The following TMEM35A variants were observed in gnomAD, a reference collection of about 807,000 sequenced individuals.
The protein encoded by TMEM35A is nicotinic acetylcholine receptor chaperone.
For missense variants in TMEM35A, 83 were observed against 132.7 expected (o/e 0.63, Z 1.84); for synonymous variants, 50 against 54.7 (o/e 0.91, Z 0.38).
In TMEM35A at chrX:101,091,594, C is replaced by G. The variant is rs1245008580; in HGVS notation, c.121-2979C>G. Among the ~76,000 whole-genome samples the G allele has an allele frequency of 8.9e-5, 10 of 112,349 alleles. No individual in the cohort carries two copies. The Admixed American group carries it at 9.5e-4, about 11-fold the overall frequency. ...TGTTGGGATTACAGGCGTGAGCCACCATGCCCGGCCTATTTCCAGAGGGAA... is the reference window on the plus strand; with the variant it reads ...TGTTGGGATTACAGGCGTGAGCCACGATGCCCGGCCTATTTCCAGAGGGAA... On this transcript the variant is annotated intron_variant, in intron 1 of 1. Transcript: ENST00000372930.
intron 1 of TMEM35A, among the ~76,000 whole-genome samples, chrX:101,081,129 C>A (rs1181423806): frequency 8.9e-6 from 1 of 112,552 alleles, no homozygotes; most frequent in East Asian, 2.8e-4. Context: ...TGTAACACAG[C>A]AATATAGAAC....
intron 1 of TMEM35A, among the ~76,000 whole-genome samples, chrX:101,091,054 T>G (rs1187900208): frequency 9.0e-6 from 1 of 110,772 alleles, no homozygotes; most frequent in East Asian, 2.8e-4. Flanking sequence ...TTGGCCAGAC[T>G]GGTCTCGAAC....
At chrX:101,082,353 C>T (rs1443277339) in intron 1 of TMEM35A, among the ~76,000 whole-genome samples, 1 of 92,854 alleles carries the variant, frequency 1.1e-5, no homozygotes, top group Non-Finnish European at 2.1e-5. Flanking sequence ...GGTTCAGGTC[C>T]TGCTACTCTT....
At chrX:101,091,366 G>A (rs2089323810) in intron 1 of TMEM35A, among the ~76,000 whole-genome samples, 1 of 104,074 alleles carries the variant, frequency 9.6e-6, no homozygotes, top group Non-Finnish European at 1.9e-5. Context: ...ACGTTGGCAC[G>A]ATCACAGCTC....
In TMEM35A at chrX:101,086,477, T is replaced by A. The variant is rs1043424361; in HGVS notation, c.120+7355T>A. Among the ~76,000 whole-genome samples, 3 of 112,294 alleles carry A rather than the reference T, an allele frequency of 2.7e-5. 1 individual carries two copies. The highest frequency in any genetic ancestry group is 9.7e-5 in the African/African-American group (3 of 30,935). On this transcript the variant is annotated intron_variant, in intron 1 of 1. Coordinates refer to ENST00000372930, the MANE Select transcript of TMEM35A (RefSeq NM_021637.3). Reference sequence around the variant, plus strand: ...TGTGTGTTGCCCTCAGCTGATGCTATGACACTTTGATTATTTACCTAAATC... The same window carrying A: ...TGTGTGTTGCCCTCAGCTGATGCTAAGACACTTTGATTATTTACCTAAATC...
chrX:101,087,993 C>CA (rs1415801652), intron 1 of TMEM35A, among the ~76,000 whole-genome samples: 2 of 109,899 alleles, frequency 1.8e-5, no homozygotes, highest in Non-Finnish European at 3.8e-5. Context: ...GCCTGGGCGA[C>CA]AGAGTGAGAC....
At chrX:101,087,114 A>G (rs1440815407) in intron 1 of TMEM35A, among the ~76,000 whole-genome samples, 2 of 109,543 alleles carry the variant, frequency 1.8e-5, no homozygotes, top group African/African-American at 6.6e-5. Context: ...GCGCCACTAC[A>G]CCCAGCTAAT....
chrX:101,080,947 C>T (rs1411535331), intron 1 of TMEM35A, among the ~76,000 whole-genome samples: 3 of 110,200 alleles, frequency 2.7e-5, no homozygotes, highest in South Asian at 4.0e-4. Flanking sequence ...ATGGAGTCAC[C>T]GGGAAGCTTC....
rs1173631039 is a variant in TMEM35A at position 101,090,836 on chromosome X, A to AT, written c.121-3719dup. On this transcript the variant is annotated intron_variant, in intron 1 of 1. Transcript: ENST00000372930. Reference sequence around the variant, plus strand: ...CCAATGAGACACCAAGTTCTGTAGAATTTTTTTTTTTTTTTTTTGAGACGG... The same window carrying AT: ...CCAATGAGACACCAAGTTCTGTAGAATTTTTTTTTTTTTTTTTTTGAGACGG... 5.7e-3 allele frequency among the ~76,000 whole-genome samples: 543 copies of AT among 95,931 alleles called. 2 individuals are homozygous for AT. The highest frequency in any genetic ancestry group is 0.011 in the African/African-American group (292 of 26,186). 83.3% of individuals were successfully genotyped at this position (95,931 alleles called of 115,157 possible).
At chrX:101,089,763 A>G (rs1335013347) in intron 1 of TMEM35A, among the ~76,000 whole-genome samples, 1 of 108,970 alleles carries the variant, frequency 9.2e-6, no homozygotes, top group Admixed American at 1.0e-4. Context: ...TCAAAGAAAA[A>G]AAAAAAAAAA....
chrX:101,094,951 T>C lies in TMEM35A; in HGVS notation c.499T>C (p.Ser167Pro), dbSNP rs765189730. The change falls in exon 2 of 2, where the codon TCA becomes CCA. Residue 167 changes from serine (S) to proline (P), a missense_variant. Transcript: ENST00000372930. ...EKAPQGKVKV[S>P] is the part of the protein sequence containing the mutation. ...GGCCCCTCAGGGCAAAGTGAAGGTG[T>C]CATAGAAAAGTGGAAGTGCAAAGAG... The C allele has an allele frequency of 8.5e-7, 1 of 1,176,566 alleles. No homozygotes were observed. The highest frequency in any genetic ancestry group is 1.1e-6 in the Non-Finnish European group (1 of 882,545).
chrX:101,079,229 C>T (rs1182245004), intron 1 of TMEM35A, 107 bp downstream of exon 1: 4 of 939,946 alleles, frequency 4.3e-6, no homozygotes, highest in Non-Finnish European at 5.8e-6. Flanking sequence ...GCCCCTATCC[C>T]CACCTGGACC....
intron 1 of TMEM35A, among the ~76,000 whole-genome samples, chrX:101,090,489 T>C (rs1450368926): frequency 9.1e-6 from 1 of 109,759 alleles, no homozygotes; most frequent in African/African-American, 3.3e-5. Context: ...TTTTTAAATG[T>C]CTGTCATGCA....
intron 1 of TMEM35A, among the ~76,000 whole-genome samples, chrX:101,093,291 T>G (rs974510938): frequency 9.0e-6 from 1 of 111,288 alleles, no homozygotes; most frequent in African/African-American, 3.3e-5. Flanking sequence ...ATTCTTTTTA[T>G]TTATTTATTT....
chrX:101,081,963 T>G (rs2089293008), intron 1 of TMEM35A: 2 of 110,820 alleles, frequency 1.8e-5, no homozygotes, highest in South Asian at 7.6e-4. Context: ...CTGTTGGTTT[T>G]TATGGATGCC....
chrX:101,081,623 G>A (rs2089292227), intron 1 of TMEM35A: 1 of 111,406 alleles, frequency 9.0e-6, no homozygotes, highest in Admixed American at 9.6e-5. Flanking sequence ...AGATCAGCTG[G>A]GATGATTATC....
intron 1 of TMEM35A, among the ~76,000 whole-genome samples, chrX:101,091,658 C>T (rs1008924612): frequency 1.8e-5 from 2 of 111,705 alleles, no homozygotes; most frequent in Non-Finnish European, 3.8e-5. Flanking sequence ...AGACAAAGTC[C>T]AGCTCCACAG....
intron 1 of TMEM35A, among the ~76,000 whole-genome samples, chrX:101,088,286 C>A (rs920129725): frequency 8.9e-6 from 1 of 112,536 alleles, no homozygotes; most frequent in Non-Finnish European, 1.9e-5. Context: ...TTAGGAATTG[C>A]CTCTTGAGAA....
chrX:101,085,655 G>T (rs1396183772), intron 1 of TMEM35A, among the ~76,000 whole-genome samples: 1 of 110,248 alleles, frequency 9.1e-6, no homozygotes. Context: ...TAGGCCAGGC[G>T]CATTGGCTCA....
Sources: allele counts gnomAD v4.1 joint callset (sites outside exome capture counted in the v4.1 genomes callset), GRCh38; gene constraint gnomAD v4.1.1; transcripts MANE v1.5; gene names NCBI Gene and HGNC (gene_info 2026-07-23, HGNC 2026-07-21).